Variants in CPSF4 observed in about 807,000 individuals in gnomAD.
CPSF4 encodes the protein cleavage and polyadenylation specific factor 4, also known as cleavage and polyadenylation specificity factor subunit 4.
Under a neutral mutation model 37.7 loss-of-function variants are expected in CPSF4, and 11 were observed. The ratio of observed to expected loss-of-function variants is 0.29; its 90% confidence interval spans 0.18 to 0.48. The LOEUF (loss-of-function observed/expected upper bound fraction) is 0.48, where lower values mean the gene tolerates loss of function less well. Ranked by LOEUF, CPSF4 falls within the 20% of genes least tolerant of loss-of-function variation. The pLI is 0.99. For missense variants in CPSF4, 144 were observed against 359.5 expected (o/e 0.40, Z 4.85); for synonymous variants, 132 against 135.9 (o/e 0.97, Z 0.20).
chr7:99,454,216 G>A, intron 7 of CPSF4, 80 bp downstream of exon 7: 1 of 1,290,090 alleles, frequency 7.8e-7, no homozygotes. Context: ...TGTGTTTGGT[G>A]AAATGAGAAA....
chr7:99,445,272 G>T lies in CPSF4; in HGVS notation c.154+433G>T, dbSNP rs45487293. 3.1e-3 allele frequency among the ~76,000 whole-genome samples: 467 copies of T among 152,178 alleles called. 1 individual carries two copies. Among genetic ancestry groups the T allele is most frequent in the Admixed American group, 5.7e-3 (87 of 15,280 alleles). On this transcript the variant is annotated intron_variant, in intron 2 of 7. Transcript: ENST00000292476. ...ATGATAACCCATCTTGCGGGGTCTT[G>T]TTCTCGATAACCAGCCCTCAACACA...
intron 5 of CPSF4, 70 bp downstream of exon 5, chr7:99,450,865 C>T: frequency 9.3e-7 from 1 of 1,079,070 alleles, no homozygotes; most frequent in Non-Finnish European, 1.4e-6. Flanking sequence ...CGTATCTTCC[C>T]TGGGCCAACT....
At chr7:99,439,298 G>T (rs1796662222) in intron 1 of CPSF4, 113 bp downstream of exon 1, 1 of 715,364 alleles carries the variant, frequency 1.4e-6, no homozygotes, top group South Asian at 1.9e-5. Flanking sequence ...GCTTCCTCTG[G>T]ATCCTGGGAC....
chr7:99,447,204 C>T (rs1042550592), intron 2 of CPSF4, among the ~76,000 whole-genome samples: 1 of 151,512 alleles, frequency 6.6e-6, no homozygotes, highest in African/African-American at 2.4e-5. Context: ...CTGTCTTGGC[C>T]TTCCAAAGTG....
intron 2 of CPSF4, 103 bp downstream of exon 2, chr7:99,444,942 C>G (rs1157607522): frequency 1.7e-5 from 17 of 989,684 alleles, no homozygotes. Flanking sequence ...ACATTGCTTT[C>G]TACAGACTAA....
At chr7:99,441,267 G>A (rs957192210) in intron 1 of CPSF4, 3 of 379,230 alleles carry the variant, frequency 7.9e-6, no homozygotes, top group African/African-American at 4.2e-5. Flanking sequence ...TTCCTGTCTT[G>A]ATGGCACTAG....
At chr7:99,440,655 C>CAT (rs1228721219) in intron 1 of CPSF4, among the ~76,000 whole-genome samples, 2,266 of 90,542 alleles carry the variant, frequency 0.025, 107 homozygotes, top group Non-Finnish European at 0.032. Flanking sequence ...CTGCACCTGG[C>CAT]ATATATATAT....
At chr7:99,441,338 G>A (rs534667768) in intron 1 of CPSF4, 2 of 451,154 alleles carry the variant, frequency 4.4e-6, no homozygotes, top group East Asian at 1.4e-4. Context: ...TCTGCCATCT[G>A]ACACATCCAC....
At position 99,448,104 on chromosome 7, in the gene CPSF4, C is replaced by G; in HGVS notation, c.155-17C>G. The G allele has an allele frequency of 1.2e-6, 2 of 1,612,914 alleles. No homozygotes were observed. The highest frequency in any genetic ancestry group is 1.7e-6 in the Non-Finnish European group (2 of 1,179,470). On this transcript the variant is annotated splice_polypyrimidine_tract_variant and intron_variant, in intron 2 of 7. Transcript: ENST00000292476. The surrounding 1 kb of genome is among the most constrained non-coding windows in gnomAD (Gnocchi z 4.4). ...GGTGGCCTCTCTGCTGACACCCTGT[C>G]CCTATCTTGCCGGCAGGGGGCATGT...
chr7:99,439,948 G>C (rs906118086), intron 1 of CPSF4, among the ~76,000 whole-genome samples: 1 of 152,082 alleles, frequency 6.6e-6, no homozygotes, highest in Admixed American at 6.6e-5. Flanking sequence ...CCCTTGGCCT[G>C]AACTCCCTTC....
chr7:99,454,233 A>C lies in CPSF4; in HGVS notation c.741+97A>C, dbSNP rs45558438. The C allele has an allele frequency of 0.015, 17,405 of 1,169,890 alleles. 1,135 individuals are homozygous for C. In the African/African-American group the frequency reaches 0.18, roughly 12 times the overall value. The allele number at this position is 1,169,890 out of a possible 1,614,324, so 72.5% of individuals were successfully genotyped here. A position where few individuals can be genotyped will look rare whatever the true frequency, so the allele number is the denominator to read the frequency against. The stretch of plus-strand genomic sequence containing the variant: ...TGTTTGGTGAAATGAGAAAAATGAA[A>C]ACATTCATTTTTGCTGATTGTAAGC... On this transcript the variant is annotated intron_variant, in intron 7 of 7. Coordinates refer to ENST00000292476, the MANE Select transcript of CPSF4 (RefSeq NM_006693.4).
chr7:99,452,276 G>A, intron 5 of CPSF4, 92 bp from the exon 6 acceptor site: 1 of 1,090,226 alleles, frequency 9.2e-7, no homozygotes, highest in African/African-American at 1.6e-5. Flanking sequence ...TTTTCCTAGG[G>A]CTGGAATTTA....
chr7:99,447,884 AC>A, intron 2 of CPSF4: 1 of 570,334 alleles, frequency 1.8e-6, no homozygotes, highest in Non-Finnish European at 3.3e-6. Context: ...TGCTGGGATT[AC>A]CAGCGTGATC....
Position 99,448,455 on chromosome 7 carries a change from ATC to A in CPSF4, c.307+186_307+187del, listed in dbSNP as rs1797695289. On this transcript the variant is annotated intron_variant, in intron 3 of 7. Transcript: ENST00000292476. The surrounding 1 kb of genome is among the most constrained non-coding windows in gnomAD (Gnocchi z 4.4). ...GGGACAGTGTGGCTATTTTCTGCTC[ATC>A]TCTTTTTTTTTTTTTTTTTTTTTAA... 2.1e-5 allele frequency: 10 copies of A among 475,758 alleles called. No homozygotes were observed. Among genetic ancestry groups the A allele is most frequent in the South Asian group, 3.3e-5 (1 of 29,870 alleles). The allele number at this position is 475,758 out of a possible 1,614,324, so 29.5% of individuals were successfully genotyped here. A position where few individuals can be genotyped will look rare whatever the true frequency, so the allele number is the denominator to read the frequency against.
chr7:99,446,066 GTGAGT>G (rs1797465759), intron 2 of CPSF4, among the ~76,000 whole-genome samples: 1 of 152,172 alleles, frequency 6.6e-6, no homozygotes. Context: ...AATGGTTTTG[GTGAGT>G]TTTGCTTCTA....
intron 1 of CPSF4, among the ~76,000 whole-genome samples, chr7:99,440,674 A>ATTT (rs1195402168): frequency 7.9e-5 from 7 of 88,084 alleles, no homozygotes; most frequent in African/African-American, 5.8e-4. Flanking sequence ...ATATATATAT[A>ATTT]TTTTTTTTTT....
rs762892785 is a variant in CPSF4, at chr7:99,446,771, CTTTTTTTTTTTTTTTTTTT to C, written c.155-1331_155-1313del. ...TACAGGTGTACACCACCATACCCAG[CTTTTTTTTTTTTTTTTTTT>C]TTTTTTTTTTTTTTTTTTAACGGAG... On this transcript the variant is annotated intron_variant, in intron 2 of 7. Coordinates refer to ENST00000292476, the MANE Select transcript of CPSF4 (RefSeq NM_006693.4). Among the ~76,000 whole-genome samples, 28 of 29,126 alleles carry C rather than the reference CTTTTTTTTTTTTTTTTTTT, an allele frequency of 9.6e-4. 1 individual carries two copies. Among genetic ancestry groups the C allele is most frequent in the African/African-American group, 1.4e-3 (6 of 4,440 alleles). 19.1% of individuals were successfully genotyped at this position (29,126 alleles called of 152,430 possible).
intron 1 of CPSF4, among the ~76,000 whole-genome samples, chr7:99,441,126 T>C (rs1006305805): frequency 2.6e-5 from 4 of 151,940 alleles, no homozygotes; most frequent in Admixed American, 6.6e-5. Context: ...AATTTTTGTA[T>C]TTTTAGTAGA....
chr7:99,442,284 C>T (rs1168362531), intron 1 of CPSF4, among the ~76,000 whole-genome samples: 1 of 152,128 alleles, frequency 6.6e-6, no homozygotes, highest in Admixed American at 6.6e-5. Flanking sequence ...TCCCTGGAGC[C>T]CACTGAATTC....
Sources: gnomAD v4.1 joint callset for allele counts (sites outside exome capture counted in the v4.1 genomes callset) on GRCh38, gnomAD v4.1.1 for gene constraint, Gnocchi (gnomAD v3.1) non-coding constraint, MANE v1.5 for transcripts, NCBI Gene and HGNC (gene_info 2026-07-23, HGNC 2026-07-21) for gene names.